The following RYR3 variants were observed in gnomAD, a reference collection of about 807,000 sequenced individuals.
RYR3 encodes the protein brain ryanodine receptor-calcium release channel.
RYR3 carries 207 observed loss-of-function variants against 584.3 expected under a neutral mutation model. That is an observed-to-expected ratio of 0.35 (90% confidence interval 0.32 to 0.40). The LOEUF is 0.40. Among genes scored for constraint, RYR3 ranks in the 10% least tolerant of loss-of-function variants. RYR3 has a pLI of 1.00. For missense variants in RYR3, 5,616 were observed against 6,089.2 expected (o/e 0.92, Z 2.59); for synonymous variants, 2,416 against 2,248.5 (o/e 1.07, Z -2.11).
chr15:33,639,972 C>G (rs2061706043), intron 27 of RYR3, among the ~76,000 whole-genome samples: 1 of 152,134 alleles, frequency 6.6e-6, no homozygotes, highest in Admixed American at 6.5e-5. Context: ...GAACATTCTG[C>G]TAGACCTCAG....
Position 33,562,853 on chromosome 15 carries a change from T to TA in RYR3, c.990dup (p.Asp331ArgfsTer63). 6.2e-7 allele frequency: 1 copy of TA among 1,612,386 alleles called. No homozygotes were observed. Among genetic ancestry groups the TA allele is most frequent in the Non-Finnish European group, 8.5e-7 (1 of 1,178,740 alleles). ...ATGAATTAGGAACTCAAGGAGAAAT[T>TA]AGACTCCAGTCACAAGCGAGACATA... On this transcript the variant is annotated frameshift_variant, in exon 11 of 104. Transcript: ENST00000634891. LOFTEE classifies it high-confidence loss of function.
intron 1 of RYR3, among the ~76,000 whole-genome samples, chr15:33,435,973 A>G (rs566113744): frequency 3.0e-5 from 4 of 134,204 alleles, no homozygotes; most frequent in South Asian, 4.6e-4. Flanking sequence ...TGATTCGTCA[A>G]TTTTACAGAG....
At chr15:33,725,978 A>C (rs866211948) in intron 45 of RYR3, among the ~76,000 whole-genome samples, 84 of 23,302 alleles carry the variant, frequency 3.6e-3, no homozygotes, top group African/African-American at 0.011. Flanking sequence ...CCCCCCCCCA[A>C]AAAAAAAAAA....
intron 68 of RYR3, 29 bp from the exon 69 acceptor site, chr15:33,801,840 G>A (rs776025625): frequency 1.7e-6 from 2 of 1,194,900 alleles, no homozygotes; most frequent in Middle Eastern, 1.9e-4. Context: ...TTCTTGTAAT[G>A]TTTGCTGTTT....
intron 1 of RYR3, among the ~76,000 whole-genome samples, chr15:33,362,483 G>A (rs184584037): frequency 2.0e-5 from 3 of 152,080 alleles, no homozygotes; most frequent in Non-Finnish European, 4.4e-5. Context: ...CATTTCATGG[G>A]TATAAACCTG....
At chr15:33,776,648 C>T (rs2074011110) in intron 64 of RYR3, among the ~76,000 whole-genome samples, 3 of 152,252 alleles carry the variant, frequency 2.0e-5, no homozygotes, top group African/African-American at 7.2e-5. Context: ...CCTGTCCCCA[C>T]TGTGCTTTCT....
chr15:33,670,834 G>A (rs894689882), intron 38 of RYR3, among the ~76,000 whole-genome samples: 1 of 152,026 alleles, frequency 6.6e-6, no homozygotes, highest in Admixed American at 6.6e-5. Flanking sequence ...GTAAATACAT[G>A]TCTGTTCTTC....
chr15:33,415,664 A>G (rs765195567), intron 1 of RYR3, among the ~76,000 whole-genome samples: 1 of 152,216 alleles, frequency 6.6e-6, no homozygotes, highest in Non-Finnish European at 1.5e-5. Flanking sequence ...CATTTGAACT[A>G]GACTCAATTT....
intron 19 of RYR3, among the ~76,000 whole-genome samples, chr15:33,620,440 TA>T (rs1262655216): frequency 6.6e-6 from 1 of 152,230 alleles, no homozygotes; most frequent in Non-Finnish European, 1.5e-5. Context: ...CACAGTTTTT[TA>T]GTATATACTA....
intron 30 of RYR3, 92 bp downstream of exon 30, chr15:33,647,552 C>A: frequency 1.1e-6 from 1 of 885,094 alleles, no homozygotes; most frequent in Non-Finnish European, 1.8e-6. Context: ...GTCTAGAGAT[C>A]CTCTTTAATT....
chr15:33,556,091 A>G (rs1275084128), intron 10 of RYR3, among the ~76,000 whole-genome samples: 2 of 152,206 alleles, frequency 1.3e-5, no homozygotes, highest in African/African-American at 4.8e-5. Context: ...GCATCCATGA[A>G]TGGGCTCCAC....
rs116072827 is a variant in RYR3 at position 33,611,125 on chromosome 15, T to A, written c.2165-2058T>A. On this transcript the variant is annotated intron_variant, in intron 18 of 103. Transcript: ENST00000634891. ...CATATCCATCAGGTGGGGATTTTTT[T>A]AAATTACCTTTTCATAGCATATTAT... 1.7e-3 allele frequency among the ~76,000 whole-genome samples: 253 copies of A among 152,342 alleles called. 1 individual carries two copies. The highest frequency in any genetic ancestry group is 5.5e-3 in the African/African-American group (228 of 41,580).
In RYR3 at chr15:33,651,518, A is replaced by G. The variant is rs577414577; in HGVS notation, c.4143-1200A>G. 2.0e-5 allele frequency among the ~76,000 whole-genome samples: 3 copies of G among 152,370 alleles called. No individual in the cohort carries two copies. The East Asian group carries it at 5.8e-4, about 29-fold the overall frequency. ...TTAATGCATGCTTACAAAGGGGGAA[A>G]GTGATAGACTTCTAGAGGCAGAAGG... On this transcript the variant is annotated intron_variant, in intron 31 of 103. Transcript: ENST00000634891.
chr15:33,738,439 G>A lies in RYR3; in HGVS notation c.7516-11G>A. The stretch of plus-strand genomic sequence containing the variant: ...CCACCCCGCTGGTCTGTCCTGTTCT[G>A]CACCTCCCAGCTTCTGACGAATCAC... On this transcript the variant is annotated splice_polypyrimidine_tract_variant and intron_variant, in intron 49 of 103. Coordinates refer to ENST00000634891, the MANE Select transcript of RYR3 (RefSeq NM_001036.6). 1.2e-6 allele frequency: 2 copies of A among 1,609,464 alleles called. No homozygotes were observed. Among genetic ancestry groups the A allele is most frequent in the Non-Finnish European group, 1.7e-6 (2 of 1,177,594 alleles).
At position 33,724,097 on chromosome 15, in the gene RYR3, T is replaced by C. The variant is rs371761769; in HGVS notation, c.6833T>C (p.Ile2278Thr). 61 of 1,611,958 alleles carry C rather than the reference T, an allele frequency of 3.8e-5. No individual in the cohort carries two copies. The African/African-American group carries it at 6.8e-4, about 18-fold the overall frequency. The change falls in exon 45 of 104, where the codon ATC becomes ACC. Residue 2278 changes from isoleucine to threonine, a missense_variant. By Grantham distance (89) the Ile-to-Thr change is moderately conservative (BLOSUM62 -1). Transcript: ENST00000634891. The stretch of plus-strand genomic sequence containing the variant: ...GGGGACGATGAAGAGGAAGAAGAAA[T>C]CGTGCATATGGGCAATGCAATTATG... ...STGDDEEEEE[I>T]VHMGNAIMSF...
At chr15:33,719,017 AG>A (rs1339840835) in intron 43 of RYR3, among the ~76,000 whole-genome samples, 2 of 152,232 alleles carry the variant, frequency 1.3e-5, no homozygotes, top group African/African-American at 4.8e-5. Context: ...TTTGGTTAGC[AG>A]TGAAGCTTGC....
At chr15:33,513,298 ATATTCTGG>A (rs1016699941) in intron 3 of RYR3, among the ~76,000 whole-genome samples, 1 of 152,214 alleles carries the variant, frequency 6.6e-6, no homozygotes, top group African/African-American at 2.4e-5. Context: ...ACCGATCTGG[ATATTCTGG>A]TAAAGAAAAG....
At chr15:33,527,106 G>A (rs1351295517) in intron 3 of RYR3, among the ~76,000 whole-genome samples, 4 of 152,076 alleles carry the variant, frequency 2.6e-5, no homozygotes, top group Non-Finnish European at 5.9e-5. Flanking sequence ...GGTGAAGTTA[G>A]AGAGGTATGA....
chr15:33,665,524 C>T (rs2063447491), intron 36 of RYR3, among the ~76,000 whole-genome samples: 1 of 152,230 alleles, frequency 6.6e-6, no homozygotes, highest in Admixed American at 6.5e-5. Context: ...GCATCTCTTT[C>T]TCCCAGCCAA....
Sources: gnomAD v4.1 joint callset for allele counts (sites outside exome capture counted in the v4.1 genomes callset) on GRCh38, gnomAD v4.1.1 for gene constraint, MANE v1.5 for transcripts, NCBI Gene and HGNC (gene_info 2026-07-23, HGNC 2026-07-21) for gene names.